Variants in GARNL3 observed in about 807,000 individuals in gnomAD.
GARNL3 encodes GTPase-activating Rap/Ran-GAP domain-like protein 3.
GARNL3 carries 63 observed loss-of-function variants against 125.0 expected under a neutral mutation model. The ratio of observed to expected loss-of-function variants is 0.50; its 90% CI spans 0.41 to 0.62. The LOEUF is 0.62. Ranked by LOEUF, GARNL3 falls within the 20% of genes least tolerant of loss-of-function variation. The pLI, the probability that GARNL3 is intolerant of heterozygous loss-of-function variation, is 0.00. For missense variants in GARNL3, 994 were observed against 1,244.0 expected, an observed-to-expected ratio of 0.80 and a Z score of 3.02; for synonymous variants, 439 against 457.5, an observed-to-expected ratio of 0.96 and a Z score of 0.52.
At chr9:127,348,341 A>G (rs1054076622) in intron 16 of GARNL3, among the ~76,000 whole-genome samples, 1 of 152,202 alleles carries the variant, frequency 6.6e-6, no homozygotes, top group Non-Finnish European at 1.5e-5. Flanking sequence ...CTTGGTATAG[A>G]TATGTCATGC....
chr9:127,293,688 G>A (rs1588776850), intron 2 of GARNL3, among the ~76,000 whole-genome samples: 1 of 151,926 alleles, frequency 6.6e-6, no homozygotes, highest in South Asian at 2.1e-4. Flanking sequence ...TTGTTTCATT[G>A]TTTTCCTCTG....
At chr9:127,313,585 C>A (rs763980879) in intron 4 of GARNL3, 26 bp downstream of exon 4, 1 of 1,435,148 alleles carries the variant, frequency 7.0e-7, no homozygotes, top group Non-Finnish European at 9.8e-7. Flanking sequence ...ACACTTGAAG[C>A]AAAATTTATG....
At chr9:127,336,640 G>A (rs1434555228) in intron 11 of GARNL3, among the ~76,000 whole-genome samples, 2 of 152,196 alleles carry the variant, frequency 1.3e-5, no homozygotes, top group Admixed American at 6.5e-5. Flanking sequence ...TTAAGCCCTG[G>A]TAATCGCTGT....
chr9:127,313,375 G>GTCCTCTA (rs1454555783), intron 3 of GARNL3, 66 bp from the exon 4 acceptor site: 10 of 1,118,722 alleles, frequency 8.9e-6, no homozygotes, highest in Non-Finnish European at 4.1e-6. Flanking sequence ...CACCTGCAGT[G>GTCCTCTA]TCCTCTACCA....
At chr9:127,252,675 A>G (rs1451293315) in intron 2 of GARNL3, among the ~76,000 whole-genome samples, 1 of 152,236 alleles carries the variant, frequency 6.6e-6, no homozygotes, top group Non-Finnish European at 1.5e-5. Context: ...ACACATGTAG[A>G]TATTTATTTA....
intron 2 of GARNL3, among the ~76,000 whole-genome samples, chr9:127,255,333 T>C (rs1230660927): frequency 1.3e-5 from 2 of 152,234 alleles, no homozygotes; most frequent in Non-Finnish European, 2.9e-5. Context: ...GGCATCACCA[T>C]GAACAAATCT....
chr9:127,267,575 A>G (rs1453692145), intron 1 of GARNL3, among the ~76,000 whole-genome samples: 1 of 152,164 alleles, frequency 6.6e-6, no homozygotes, highest in East Asian at 1.9e-4. Context: ...ATTAAAAATG[A>G]CATGTGTGCT....
intron 26 of GARNL3, 75 bp from the exon 27 acceptor site, chr9:127,390,566 G>A (rs1422415028): frequency 6.9e-7 from 1 of 1,443,348 alleles, no homozygotes; most frequent in Non-Finnish European, 9.5e-7. Flanking sequence ...TCCCAACCAA[G>A]AAAAAATAAG....
chr9:127,247,662 T>A (rs981396613), intron 2 of GARNL3, among the ~76,000 whole-genome samples: 3 of 152,210 alleles, frequency 2.0e-5, no homozygotes, highest in Non-Finnish European at 4.4e-5. Flanking sequence ...ACATAGTAGG[T>A]GTATATATTT....
intron 20 of GARNL3, among the ~76,000 whole-genome samples, 169 bp from the exon 21 acceptor site, chr9:127,357,050 A>C (rs1275304173): frequency 2.0e-5 from 3 of 152,210 alleles, no homozygotes; most frequent in African/African-American, 7.2e-5. Context: ...GAGATGTCGG[A>C]TGTGACCCCT....
At chr9:127,349,909 T>TG (rs1304791050) in intron 17 of GARNL3, among the ~76,000 whole-genome samples, 1 of 152,206 alleles carries the variant, frequency 6.6e-6, no homozygotes, top group African/African-American at 2.4e-5. Flanking sequence ...AATGACATAA[T>TG]GGCCTAAAAC....
At chr9:127,247,001 C>T (rs1246414771) in intron 2 of GARNL3, among the ~76,000 whole-genome samples, 6 of 127,778 alleles carry the variant, frequency 4.7e-5, no homozygotes, top group Non-Finnish European at 7.8e-5. Flanking sequence ...TTCTAGATGG[C>T]GAGATTGGCA....
chr9:127,323,376 A>G (rs562634615), intron 6 of GARNL3, among the ~76,000 whole-genome samples: 1 of 152,338 alleles, frequency 6.6e-6, no homozygotes, highest in South Asian at 2.1e-4. Context: ...AGAAACTGCA[A>G]CATAAATGTA....
chr9:127,329,659 C>T (rs1829103837), intron 7 of GARNL3, among the ~76,000 whole-genome samples: 1 of 152,016 alleles, frequency 6.6e-6, no homozygotes, highest in South Asian at 2.1e-4. Context: ...GGCCCCATCT[C>T]TGCTTGTACA....
intron 1 of GARNL3, chr9:127,225,255 C>T (rs1046504117): frequency 1.1e-5 from 7 of 649,608 alleles, no homozygotes; most frequent in East Asian, 1.4e-4. Flanking sequence ...GCCGAGCGGC[C>T]GGCCGAGGCC....
At chr9:127,312,103 A>G (rs1183980717) in intron 3 of GARNL3, among the ~76,000 whole-genome samples, 1 of 152,222 alleles carries the variant, frequency 6.6e-6, no homozygotes, top group Non-Finnish European at 1.5e-5. Flanking sequence ...GTTCAAGGCA[A>G]TGAGGGAAAT....
rs1255919723 is a variant in GARNL3 at position 127,339,699 on chromosome 9, T to C, written c.1083T>C (p.Thr361=). 2 of 1,613,982 alleles carry C rather than the reference T, an allele frequency of 1.2e-6. No individual in the cohort carries two copies. Among genetic ancestry groups the C allele is most frequent in the East Asian group, 2.2e-5 (1 of 44,886 alleles). ...SVPLFGPPLP[T]PPVFTDHQEF... The stretch of plus-strand genomic sequence containing the variant: ...CACTCTTTGGCCCTCCCTTGCCAAC[T>C]CCACCAGTGTTTACAGACCACCAGG... The change falls in exon 13 of 28, where the codon ACT becomes ACC. Residue 361 remains threonine (T), a synonymous_variant. Transcript: ENST00000373387.
chr9:127,339,496 A>T lies in GARNL3; in HGVS notation c.1029-149A>T, dbSNP rs571733224. 3.4e-4 allele frequency: 210 copies of T among 623,040 alleles called. 2 individuals carry two copies. The highest frequency in any genetic ancestry group is 3.3e-3 in the African/African-American group (179 of 54,992). 38.6% of individuals were successfully genotyped at this position (623,040 alleles called of 1,614,324 possible). ...CTATCACGAGAATAGCACGGGAAAG[A>T]CTGGCCCCCATGATTCAGTTACCTC... is the stretch of plus-strand genomic sequence containing the variant. On this transcript the variant is annotated intron_variant, in intron 12 of 27. Transcript: ENST00000373387.
chr9:127,320,866 G>A, intron 6 of GARNL3, 88 bp downstream of exon 6: 1 of 864,178 alleles, frequency 1.2e-6, no homozygotes, highest in Non-Finnish European at 1.9e-6. Flanking sequence ...CCTTATCCTG[G>A]GATGCAAAGC....
Sources: gnomAD v4.1 joint callset for allele counts (sites outside exome capture counted in the v4.1 genomes callset) on GRCh38, gnomAD v4.1.1 for gene constraint, MANE v1.5 for transcripts, NCBI Gene and HGNC (gene_info 2026-07-23, HGNC 2026-07-21) for gene names.